Variants in CHIC1 observed in about 807,000 individuals in gnomAD.
CHIC1 encodes the protein cysteine-rich hydrophobic domain-containing protein 1.
CHIC1 carries 7 observed loss-of-function variants against 18.5 expected under a neutral mutation model. That is an observed-to-expected ratio of 0.38 (90% CI 0.22 to 0.71). The LOEUF (loss-of-function observed/expected upper bound fraction) is 0.71, where lower values mean the gene tolerates loss of function less well. Among genes scored for constraint, CHIC1 ranks in the 30% least tolerant of loss-of-function variants. The pLI is 0.49. For synonymous variants in CHIC1, 77 were observed against 73.5 expected, an observed-to-expected ratio of 1.05 and a Z score of -0.25; for missense variants, 159 against 176.9, an observed-to-expected ratio of 0.90 and a Z score of 0.57.
chrX:73,638,626 A>G (rs1173867130), intron 3 of CHIC1, among the ~76,000 whole-genome samples: 1 of 111,299 alleles, frequency 9.0e-6, no homozygotes, highest in Non-Finnish European at 1.9e-5. Context: ...TTTGTCACCC[A>G]GGTAATTAGC....
chrX:73,647,862 A>T (rs996417542), intron 3 of CHIC1, among the ~76,000 whole-genome samples: 1 of 112,262 alleles, frequency 8.9e-6, no homozygotes, highest in Non-Finnish European at 1.9e-5. Context: ...ACCAAGGGAC[A>T]GTCAAAGTGC....
chrX:73,588,222 C>T (rs959590431), intron 3 of CHIC1, among the ~76,000 whole-genome samples: 1 of 111,105 alleles, frequency 9.0e-6, no homozygotes, highest in Admixed American at 9.6e-5. Context: ...AATTTTAGAA[C>T]ATTTCCATCA....
chrX:73,584,357 A>G (rs1294910275), intron 2 of CHIC1, 60 bp from the exon 3 acceptor site: 2 of 966,860 alleles, frequency 2.1e-6, no homozygotes, highest in East Asian at 3.4e-5. Context: ...TTTTTCTTAG[A>G]TTTAGAGATA....
At chrX:73,672,024 G>T (rs1368953682) in intron 3 of CHIC1, among the ~76,000 whole-genome samples, 1 of 110,974 alleles carries the variant, frequency 9.0e-6, no homozygotes, top group Non-Finnish European at 1.9e-5. Context: ...GCGGTGTTTG[G>T]TTTTTTCTCC....
intron 3 of CHIC1, among the ~76,000 whole-genome samples, chrX:73,644,830 T>C (rs1424627605): frequency 1.8e-5 from 2 of 111,102 alleles, no homozygotes; most frequent in Non-Finnish European, 3.8e-5. Flanking sequence ...AAAAGCGCAG[T>C]ATTAGGGTGG....
intron 1 of CHIC1, among the ~76,000 whole-genome samples, chrX:73,564,978 G>A (rs2057438549): frequency 9.1e-6 from 1 of 109,373 alleles, no homozygotes; most frequent in African/African-American, 3.3e-5. Flanking sequence ...ATATACTTTC[G>A]TAATCTTTGC....
intron 2 of CHIC1, among the ~76,000 whole-genome samples, chrX:73,580,545 T>C (rs963531339): frequency 9.0e-6 from 1 of 110,783 alleles, no homozygotes. Flanking sequence ...ATGAGATAAT[T>C]TTTCTCCGAC....
chrX:73,679,501 A>T, intron 4 of CHIC1, 119 bp downstream of exon 4: 1 of 562,992 alleles, frequency 1.8e-6, no homozygotes, highest in Non-Finnish European at 2.8e-6. Flanking sequence ...TTAATACTCA[A>T]TTTTTAATAT....
At chrX:73,631,170 ATTTTC>A (rs2057805131) in intron 3 of CHIC1, among the ~76,000 whole-genome samples, 1 of 109,098 alleles carries the variant, frequency 9.2e-6, no homozygotes, top group Non-Finnish European at 1.9e-5. Flanking sequence ...AGGTTTGTCA[ATTTTC>A]TTTATCTTTT....
chrX:73,568,670 A>G (rs2147536373), intron 1 of CHIC1, among the ~76,000 whole-genome samples: 1 of 111,674 alleles, frequency 9.0e-6, no homozygotes, highest in East Asian at 2.8e-4. Flanking sequence ...TACTTAAAAT[A>G]GATAGATGTT....
chrX:73,680,933 T>C, intron 5 of CHIC1, 22 bp from the exon 6 acceptor site: 4 of 847,999 alleles, frequency 4.7e-6, no homozygotes, highest in Non-Finnish European at 6.8e-6. Flanking sequence ...TTTGTAAATA[T>C]ATTCTTGTTT....
At chrX:73,609,791 T>G (rs1465566413) in intron 3 of CHIC1, among the ~76,000 whole-genome samples, 1 of 109,754 alleles carries the variant, frequency 9.1e-6, no homozygotes, top group African/African-American at 3.5e-5. Context: ...TATTTATTAT[T>G]TCTATGTGTT....
At chrX:73,660,212 C>G (rs1489984596) in intron 3 of CHIC1, among the ~76,000 whole-genome samples, 1 of 112,282 alleles carries the variant, frequency 8.9e-6, no homozygotes, top group East Asian at 2.8e-4. Context: ...TGTGTTTGGG[C>G]AGGTACACAG....
chrX:73,592,122 A>G (rs1386129727), intron 3 of CHIC1, among the ~76,000 whole-genome samples: 1 of 110,857 alleles, frequency 9.0e-6, no homozygotes, highest in Admixed American at 9.6e-5. Context: ...GGGTTTTTCT[A>G]GGTATAAAAT....
intron 3 of CHIC1, among the ~76,000 whole-genome samples, chrX:73,621,835 T>C (rs1170311523): frequency 8.9e-6 from 1 of 112,311 alleles, no homozygotes; most frequent in Non-Finnish European, 1.9e-5. Context: ...TGTGGGTTTG[T>C]TATGAATAGC....
chrX:73,575,360 G>A (rs1569499962), intron 1 of CHIC1, among the ~76,000 whole-genome samples: 1 of 109,996 alleles, frequency 9.1e-6, no homozygotes, highest in Non-Finnish European at 1.9e-5. Context: ...GTAATGTAGA[G>A]TCATGTGTCA....
chrX:73,610,101 T>A (rs1361490577), intron 3 of CHIC1, among the ~76,000 whole-genome samples: 1 of 109,137 alleles, frequency 9.2e-6, no homozygotes, highest in African/African-American at 3.6e-5. Flanking sequence ...GAAATCAATG[T>A]TTTTAGCTCC....
At chrX:73,620,685 C>T (rs1396750928) in intron 3 of CHIC1, among the ~76,000 whole-genome samples, 2 of 111,911 alleles carry the variant, frequency 1.8e-5, no homozygotes, top group African/African-American at 3.2e-5. Context: ...TTTTGCTGTG[C>T]AGAAGTTCTT....
chrX:73,598,611 T>C (rs930021963), intron 3 of CHIC1, among the ~76,000 whole-genome samples: 2 of 108,056 alleles, frequency 1.9e-5, no homozygotes, highest in African/African-American at 6.7e-5. Context: ...GATAGTTTAC[T>C]GAGAATGATG....
Sources: allele counts gnomAD v4.1 joint callset (sites outside exome capture counted in the v4.1 genomes callset), GRCh38; gene constraint gnomAD v4.1.1; transcripts MANE v1.5; gene names NCBI Gene and HGNC (gene_info 2026-07-23, HGNC 2026-07-21).